The following GRID2 variants were observed in gnomAD, a reference collection of about 807,000 sequenced individuals.
GRID2 encodes glutamate receptor ionotropic, delta-2.
Under a neutral mutation model 114.8 loss-of-function variants are expected in GRID2, and 33 were observed. The ratio of observed to expected loss-of-function variants is 0.29; its 90% CI spans 0.22 to 0.38. The LOEUF is 0.38. GRID2 is among the 10% of genes least tolerant of loss of function. The probability of loss-of-function intolerance (pLI) is 1.00; values close to 1 mark genes in which losing one functional copy is unlikely to be tolerated. For missense variants in GRID2, 1,184 were observed against 1,257.7 expected (o/e 0.94, Z 0.89); for synonymous variants, 505 against 449.9 (o/e 1.12, Z -1.55).
At chr4:92,346,715 G>A (rs1374745447) in intron 1 of GRID2, among the ~76,000 whole-genome samples, 1 of 152,062 alleles carries the variant, frequency 6.6e-6, no homozygotes, top group Non-Finnish European at 1.5e-5. Flanking sequence ...TGCAGTAAAA[G>A]TTCGAATATT....
chr4:93,398,133 G>GTGTGTGTATGTGTATATATATA, intron 9 of GRID2, among the ~76,000 whole-genome samples: 3 of 122,354 alleles, frequency 2.5e-5, no homozygotes, highest in African/African-American at 1.2e-4. Flanking sequence ...ATGTGTGTGT[G>GTGTGTGTATGTGTATATATATA]TATATATATA....
At chr4:92,951,174 T>G (rs1752004850) in intron 2 of GRID2, among the ~76,000 whole-genome samples, 1 of 152,108 alleles carries the variant, frequency 6.6e-6, no homozygotes, top group South Asian at 2.1e-4. Context: ...CACTACTGTT[T>G]ATTATTTCCA....
intron 14 of GRID2, among the ~76,000 whole-genome samples, chr4:93,677,805 A>G (rs1218125534): frequency 6.6e-6 from 1 of 152,190 alleles, no homozygotes; most frequent in Non-Finnish European, 1.5e-5. Context: ...AAAGACCAAA[A>G]GTAGATAAAA....
chr4:92,776,621 C>A (rs1738811511), intron 2 of GRID2, among the ~76,000 whole-genome samples: 1 of 151,950 alleles, frequency 6.6e-6, no homozygotes, highest in South Asian at 2.1e-4. Context: ...TAAAGATCTA[C>A]CAAGAAAGTA....
At chr4:93,688,787 A>C (rs1039163122) in intron 14 of GRID2, among the ~76,000 whole-genome samples, 1 of 152,076 alleles carries the variant, frequency 6.6e-6, no homozygotes, top group African/African-American at 2.4e-5. Flanking sequence ...ATTTACACAG[A>C]TGAGAACTAA....
At chr4:92,354,024 G>A (rs1033755280) in intron 1 of GRID2, among the ~76,000 whole-genome samples, 1 of 151,960 alleles carries the variant, frequency 6.6e-6, no homozygotes. Flanking sequence ...TGTGAGTTCC[G>A]ATTTAGGCAA....
At chr4:93,421,805 A>T (rs2149366901) in intron 9 of GRID2, among the ~76,000 whole-genome samples, 2 of 151,762 alleles carry the variant, frequency 1.3e-5, no homozygotes, top group Middle Eastern at 6.8e-3. Flanking sequence ...AAATGAAAGC[A>T]TTATGAAGGC....
At chr4:92,443,667 AC>A (rs1398270630) in intron 1 of GRID2, among the ~76,000 whole-genome samples, 1 of 152,050 alleles carries the variant, frequency 6.6e-6, no homozygotes, top group Non-Finnish European at 1.5e-5. Flanking sequence ...GGGTTGGAGT[AC>A]TTGCCCTGTG....
chr4:92,917,110 G>A (rs984446937), intron 2 of GRID2, among the ~76,000 whole-genome samples: 2 of 151,970 alleles, frequency 1.3e-5, no homozygotes, highest in Non-Finnish European at 2.9e-5. Flanking sequence ...TCTCTGACCA[G>A]TGATGATGAG....
chr4:92,944,595 G>C (rs1316160479), intron 2 of GRID2, among the ~76,000 whole-genome samples: 1 of 152,178 alleles, frequency 6.6e-6, no homozygotes, highest in Admixed American at 6.6e-5. Flanking sequence ...ACTCCCCAGG[G>C]AGATGAACCT....
intron 4 of GRID2, among the ~76,000 whole-genome samples, chr4:93,203,784 T>G (rs957195745): frequency 1.3e-5 from 2 of 152,142 alleles, no homozygotes; most frequent in African/African-American, 4.8e-5. Flanking sequence ...GTCTGCTCCA[T>G]GCACTGGAGC....
chr4:92,754,268 G>A (rs1443626465), intron 2 of GRID2, among the ~76,000 whole-genome samples: 1 of 152,160 alleles, frequency 6.6e-6, no homozygotes, highest in Non-Finnish European at 1.5e-5. Context: ...CAGTTCAGGA[G>A]TCAGTATGCT....
intron 8 of GRID2, among the ~76,000 whole-genome samples, chr4:93,259,136 T>G (rs1171461780): frequency 6.6e-6 from 1 of 151,840 alleles, no homozygotes. Flanking sequence ...TTTGCTCAAT[T>G]AATCCTGTGT....
intron 13 of GRID2, among the ~76,000 whole-genome samples, chr4:93,592,689 TC>T (rs1376978175): frequency 1.3e-5 from 2 of 152,136 alleles, no homozygotes; most frequent in East Asian, 3.9e-4. Context: ...TGTGTGGGAG[TC>T]TAAGTCTCTT....
intron 11 of GRID2, among the ~76,000 whole-genome samples, chr4:93,468,285 A>G (rs1299511390): frequency 6.6e-6 from 1 of 152,158 alleles, no homozygotes; most frequent in Non-Finnish European, 1.5e-5. Context: ...TTGGGGCTGT[A>G]TTCATGAGAA....
chr4:93,262,636 C>T, intron 8 of GRID2, among the ~76,000 whole-genome samples: 1 of 151,866 alleles, frequency 6.6e-6, no homozygotes, highest in East Asian at 1.9e-4. Flanking sequence ...CATTCGTAAT[C>T]TTACTACTTT....
intron 12 of GRID2, among the ~76,000 whole-genome samples, chr4:93,510,795 TA>T (rs1729089124): frequency 6.6e-6 from 1 of 152,174 alleles, no homozygotes; most frequent in Non-Finnish European, 1.5e-5. Flanking sequence ...AATCTTTATA[TA>T]AAAACAGTAG....
At chr4:93,009,137 A>G (rs1164366863) in intron 2 of GRID2, among the ~76,000 whole-genome samples, 3 of 152,164 alleles carry the variant, frequency 2.0e-5, no homozygotes, top group Non-Finnish European at 4.4e-5. Flanking sequence ...GCAATATATG[A>G]ATAAAAGAAT....
At chr4:92,757,273 C>G (rs138603418) in intron 2 of GRID2, among the ~76,000 whole-genome samples, 24 of 152,084 alleles carry the variant, frequency 1.6e-4, no homozygotes, top group African/African-American at 5.3e-4. Context: ...GATCAATGAA[C>G]AGAATCTATG....
Sources: allele counts gnomAD v4.1 joint callset (sites outside exome capture counted in the v4.1 genomes callset), GRCh38; gene constraint gnomAD v4.1.1; transcripts MANE v1.5; gene names NCBI Gene and HGNC (gene_info 2026-07-23, HGNC 2026-07-21).